The following STARD13 variants were observed in gnomAD, a reference collection of about 807,000 sequenced individuals.
STARD13 encodes StAR related lipid transfer domain containing 13, also known as stAR-related lipid transfer protein 13.
STARD13 carries 62 observed loss-of-function variants against 106.4 expected under a neutral mutation model. That is an observed-to-expected ratio of 0.58 (90% confidence interval 0.48 to 0.72). STARD13 has a LOEUF of 0.72. Among genes scored for constraint, STARD13 ranks in the 30% least tolerant of loss-of-function variants. The pLI is 0.00. For synonymous variants in STARD13, 565 were observed against 553.0 expected (o/e 1.02, Z -0.31); for missense variants, 1,387 against 1,424.0 (o/e 0.97, Z 0.42).
intron 3 of STARD13, among the ~76,000 whole-genome samples, chr13:33,142,825 G>A (rs1274939308): frequency 6.6e-6 from 1 of 152,148 alleles, no homozygotes. Flanking sequence ...ACATCACAGT[G>A]CTGAATTATA....
chr13:33,215,126 G>GT (rs1887961957), intron 1 of STARD13, among the ~76,000 whole-genome samples: 1 of 124,034 alleles, frequency 8.1e-6, no homozygotes, highest in East Asian at 2.8e-4. Context: ...ACTTGGGGGG[G>GT]GGGGTGGGGG....
chr13:33,323,808 A>T (rs77387298), intron 1 of STARD13, among the ~76,000 whole-genome samples: 4,083 of 152,280 alleles, frequency 0.027, 190 homozygotes, highest in African/African-American at 0.09. Flanking sequence ...AGAAACGCCA[A>T]CTTGCTCCTT....
intron 2 of STARD13, among the ~76,000 whole-genome samples, chr13:33,166,682 T>C (rs1198185122): frequency 6.6e-6 from 1 of 152,180 alleles, no homozygotes; most frequent in Non-Finnish European, 1.5e-5. Flanking sequence ...CATGAGTATG[T>C]CTATTAACTG....
chr13:33,463,264 T>C, the STARD13 span, among the ~76,000 whole-genome samples: 2 of 152,184 alleles, frequency 1.3e-5, no homozygotes, highest in Non-Finnish European at 1.5e-5. Context: ...GGCTACTCCA[T>C]AGACAGTGTG....
intron 3 of STARD13, chr13:33,155,689 C>A (rs1440159476): frequency 2.0e-5 from 3 of 152,062 alleles, no homozygotes; most frequent in African/African-American, 7.2e-5. Context: ...TATATACTAG[C>A]AAAATCCCCT....
At chr13:33,200,817 T>C (rs561502665) in intron 1 of STARD13, among the ~76,000 whole-genome samples, 5 of 151,050 alleles carry the variant, frequency 3.3e-5, no homozygotes, top group East Asian at 1.9e-4. Context: ...GTCAGGAGAT[T>C]GAGACCATCC....
the STARD13 span, among the ~76,000 whole-genome samples, chr13:33,551,922 A>C: frequency 2.0e-5 from 3 of 152,246 alleles, no homozygotes; most frequent in South Asian, 6.2e-4. Flanking sequence ...AGATTCAAAA[A>C]TTTAGTCTGA....
intron 1 of STARD13, among the ~76,000 whole-genome samples, chr13:33,171,415 G>A (rs956752218): frequency 5.9e-5 from 9 of 152,330 alleles, no homozygotes; most frequent in African/African-American, 2.2e-4. Flanking sequence ...AGATTTCTAT[G>A]TAATTTTTGT....
the STARD13 span, among the ~76,000 whole-genome samples, chr13:33,487,217 A>T: frequency 6.6e-6 from 1 of 152,226 alleles, no homozygotes; most frequent in South Asian, 2.1e-4. Flanking sequence ...CTTTTAGCAC[A>T]AAGTAAGGAA....
chr13:33,273,235 A>G (rs561628119), intron 1 of STARD13, among the ~76,000 whole-genome samples: 1 of 152,358 alleles, frequency 6.6e-6, no homozygotes, highest in East Asian at 1.9e-4. Flanking sequence ...CTGTCTTCAA[A>G]ATGACAATGC....
the STARD13 span, among the ~76,000 whole-genome samples, chr13:33,626,347 A>G: frequency 1.4e-4 from 22 of 152,326 alleles, 1 homozygote; most frequent in South Asian, 4.4e-3. Flanking sequence ...CCATTCTATT[A>G]TTTCTACCTT....
chr13:33,117,887 T>A (rs1262428190), intron 8 of STARD13, 178 bp downstream of exon 8: 1 of 985,270 alleles, frequency 1.0e-6, no homozygotes. Flanking sequence ...AAAAAATGGC[T>A]TGTGGATTTC....
At chr13:33,647,898 TA>T in the STARD13 span, among the ~76,000 whole-genome samples, 1 of 152,104 alleles carries the variant, frequency 6.6e-6, no homozygotes, top group Admixed American at 6.5e-5. Flanking sequence ...TACAATTAAA[TA>T]AATATACAAT....
intron 1 of STARD13, among the ~76,000 whole-genome samples, chr13:33,228,583 G>T (rs929681700): frequency 1.3e-5 from 2 of 152,158 alleles, no homozygotes; most frequent in African/African-American, 2.4e-5. Flanking sequence ...CCAAGAGTTT[G>T]ATTCCACCAG....
intron 1 of STARD13, among the ~76,000 whole-genome samples, chr13:33,313,621 C>T (rs941072352): frequency 2.6e-5 from 4 of 152,156 alleles, no homozygotes; most frequent in African/African-American, 4.8e-5. Context: ...CACAGAACCC[C>T]AAGCTGATGT....
chr13:33,214,709 C>T (rs1887927667), intron 1 of STARD13, among the ~76,000 whole-genome samples: 1 of 147,632 alleles, frequency 6.8e-6, no homozygotes, highest in Admixed American at 6.7e-5. Flanking sequence ...TACACACACA[C>T]ACACACACAC....
At chr13:33,304,523 T>C (rs930577966) in intron 1 of STARD13, among the ~76,000 whole-genome samples, 28 of 152,154 alleles carry the variant, frequency 1.8e-4, no homozygotes, top group African/African-American at 6.0e-4. Context: ...CCCGTGGACA[T>C]ACAGATAAGA....
chr13:33,516,197 A>T, the STARD13 span, among the ~76,000 whole-genome samples: 27 of 147,980 alleles, frequency 1.8e-4, no homozygotes, highest in Non-Finnish European at 4.0e-4. Flanking sequence ...AATTATATAT[A>T]TTTATGTCAT....
chr13:33,459,317 G>T, the STARD13 span, among the ~76,000 whole-genome samples: 3 of 152,012 alleles, frequency 2.0e-5, no homozygotes, highest in East Asian at 5.8e-4. Context: ...AGATCAGTTT[G>T]CATTCTTTAA....
Sources: allele counts gnomAD v4.1 joint callset (sites outside exome capture counted in the v4.1 genomes callset), GRCh38; gene constraint gnomAD v4.1.1; transcripts MANE v1.5; gene names NCBI Gene and HGNC (gene_info 2026-07-23, HGNC 2026-07-21).